ZNF407: variants seen among roughly 807,000 people sequenced by gnomAD.
ZNF407 encodes zinc finger protein 407.
In ZNF407, 17 loss-of-function variants were observed where a neutral mutation model predicts 131.2. The ratio of observed to expected loss-of-function variants is 0.13; its 90% CI spans 0.09 to 0.19. ZNF407 has a LOEUF of 0.19. Ranked by LOEUF, ZNF407 falls within the 10% of genes least tolerant of loss-of-function variation. The probability of loss-of-function intolerance (pLI) is 1.00; values close to 1 mark genes in which losing one functional copy is unlikely to be tolerated. For missense variants in ZNF407, 2,681 were observed against 2,830.6 expected (o/e 0.95, Z 1.20); for synonymous variants, 1,156 against 1,062.0 (o/e 1.09, Z -1.72).
chr18:74,692,577 C>A (rs1967251631), intron 3 of ZNF407, among the ~76,000 whole-genome samples: 1 of 152,134 alleles, frequency 6.6e-6, no homozygotes. Flanking sequence ...TTTTCCTTGA[C>A]ACCTTTCCTC....
chr18:74,783,656 C>T (rs1969650690), intron 4 of ZNF407, among the ~76,000 whole-genome samples: 7 of 151,712 alleles, frequency 4.6e-5, no homozygotes, highest in Admixed American at 4.6e-4. Flanking sequence ...AAAACTGAGG[C>T]AGGAGAAAGA....
intron 8 of ZNF407, among the ~76,000 whole-genome samples, chr18:75,057,588 A>C (rs1973575541): frequency 6.6e-6 from 1 of 152,176 alleles, no homozygotes; most frequent in African/African-American, 2.4e-5. Context: ...GCGGCCGAGG[A>C]GCCCAAGCCT....
intron 8 of ZNF407, among the ~76,000 whole-genome samples, chr18:75,035,976 G>A (rs1973303533): frequency 6.6e-6 from 1 of 152,232 alleles, no homozygotes; most frequent in South Asian, 2.1e-4. Flanking sequence ...ACCAGAGGTG[G>A]CAGGAATGGG....
At chr18:74,754,970 T>C (rs1968893595) in intron 3 of ZNF407, among the ~76,000 whole-genome samples, 1 of 152,164 alleles carries the variant, frequency 6.6e-6, no homozygotes, top group African/African-American at 2.4e-5. Flanking sequence ...CCATTATTAT[T>C]GTGTGGGAGT....
chr18:74,790,387 T>C (rs1450953240), intron 4 of ZNF407, among the ~76,000 whole-genome samples: 1 of 152,232 alleles, frequency 6.6e-6, no homozygotes, highest in Non-Finnish European at 1.5e-5. Flanking sequence ...CATTGTTGTC[T>C]GCTGTGACAA....
chr18:75,015,830 G>A (rs1373654676), intron 8 of ZNF407, among the ~76,000 whole-genome samples: 1 of 151,896 alleles, frequency 6.6e-6, no homozygotes, highest in African/African-American at 2.4e-5. Flanking sequence ...TTTCTGTAAT[G>A]TGACAGGCTT....
At chr18:74,764,135 G>C (rs985919431) in intron 3 of ZNF407, among the ~76,000 whole-genome samples, 1 of 151,696 alleles carries the variant, frequency 6.6e-6, no homozygotes, top group Non-Finnish European at 1.5e-5. Context: ...TGATTTGTGA[G>C]TTTATAGTCT....
rs1441654234 is a variant in ZNF407, at chr18:74,633,986, G to A, written c.2967G>A (p.Lys989=). ...GEVNSHLLDK[K]EQISSEPEDF... ...TTAACAGCCATCTTCTTGATAAAAA[G>A]GAGCAAATATCTTCAGAGCCAGAGG... The change falls in exon 2 of 9, where the codon AAG becomes AAA. Residue 989 remains lysine, a synonymous_variant. Coordinates refer to ENST00000299687, the MANE Select transcript of ZNF407 (RefSeq NM_017757.3). 6.2e-7 allele frequency: 1 copy of A among 1,614,026 alleles called. No homozygotes were observed. Among genetic ancestry groups the A allele is most frequent in the Admixed American group, 1.7e-5 (1 of 60,026 alleles).
chr18:75,051,784 T>C (rs573252527), intron 8 of ZNF407, among the ~76,000 whole-genome samples: 6 of 152,242 alleles, frequency 3.9e-5, no homozygotes, highest in Admixed American at 3.3e-4. Flanking sequence ...TGGGGGTCGG[T>C]CATCAGGTAA....
chr18:74,914,524 G>C (rs192766770), intron 7 of ZNF407, among the ~76,000 whole-genome samples: 444 of 152,280 alleles, frequency 2.9e-3, no homozygotes, highest in Non-Finnish European at 4.1e-3. Context: ...CCCAGGTGAA[G>C]ATTTTGTGTT....
chr18:74,836,662 T>C (rs1210831801), intron 4 of ZNF407, among the ~76,000 whole-genome samples: 2 of 152,228 alleles, frequency 1.3e-5, no homozygotes, highest in South Asian at 4.1e-4. Context: ...GGATAAACCG[T>C]CTGAGTTATA....
At chr18:75,033,881 T>C (rs990365115) in intron 8 of ZNF407, among the ~76,000 whole-genome samples, 3 of 152,220 alleles carry the variant, frequency 2.0e-5, no homozygotes, top group Non-Finnish European at 2.9e-5. Flanking sequence ...CCTTCTCCTT[T>C]CCCTGACCCT....
chr18:74,792,602 C>A (rs1007812905), intron 4 of ZNF407, among the ~76,000 whole-genome samples: 3 of 151,544 alleles, frequency 2.0e-5, no homozygotes, highest in Admixed American at 1.3e-4. Context: ...AATGGCGTGA[C>A]CCCAATGCTT....
At chr18:74,905,266 T>G (rs1226955543) in intron 7 of ZNF407, 1 of 152,256 alleles carries the variant, frequency 6.6e-6, no homozygotes, top group Non-Finnish European at 1.5e-5. Flanking sequence ...ACCGAAGCAG[T>G]AATCAGGTTT....
chr18:74,668,108 G>A (rs940198047), intron 3 of ZNF407, among the ~76,000 whole-genome samples: 13 of 152,184 alleles, frequency 8.5e-5, no homozygotes, highest in Admixed American at 8.5e-4. Context: ...CTCCAAAATC[G>A]GAAGGTTTCT....
At chr18:74,992,324 C>G (rs760998363) in intron 8 of ZNF407, among the ~76,000 whole-genome samples, 1 of 152,020 alleles carries the variant, frequency 6.6e-6, no homozygotes, top group Non-Finnish European at 1.5e-5. Flanking sequence ...GGAGATGGCC[C>G]TGGGTGGGGA....
At chr18:74,615,869 G>GT (rs1274840547) in intron 1 of ZNF407, among the ~76,000 whole-genome samples, 92 of 146,148 alleles carry the variant, frequency 6.3e-4, no homozygotes, top group South Asian at 8.7e-4. Context: ...TGTTGTTGTT[G>GT]TTTTTTTTTT....
intron 8 of ZNF407, among the ~76,000 whole-genome samples, chr18:75,018,517 A>G (rs1973071057): frequency 6.6e-6 from 1 of 152,000 alleles, no homozygotes; most frequent in Non-Finnish European, 1.5e-5. Flanking sequence ...TTGAATAACA[A>G]TCCACAATGT....
Position 74,879,287 on chromosome 18 carries a change from C to G in ZNF407, c.5045-1749C>G, listed in dbSNP as rs73971189. Among the ~76,000 whole-genome samples, 777 of 152,144 alleles carry G rather than the reference C, an allele frequency of 5.1e-3. 7 individuals are homozygous for G. Among genetic ancestry groups the G allele is most frequent in the African/African-American group, 0.018 (731 of 41,512 alleles). On this transcript the variant is annotated intron_variant, in intron 5 of 8. Coordinates refer to ENST00000299687, the MANE Select transcript of ZNF407 (RefSeq NM_017757.3). ...TCCAGAAGTCCTAAGATTGCTCTTT[C>G]CTCATTAGAAATTTTGCTTATTGAA...
Sources: allele counts gnomAD v4.1 joint callset (sites outside exome capture counted in the v4.1 genomes callset), GRCh38; gene constraint gnomAD v4.1.1; transcripts MANE v1.5; gene names NCBI Gene and HGNC (gene_info 2026-07-23, HGNC 2026-07-21).